The following EYA4 variants were observed in gnomAD, a reference collection of about 807,000 sequenced individuals.
EYA4 encodes EYA transcriptional coactivator and phosphatase 4, also known as protein phosphatase EYA4.
A neutral mutation model predicts 87.9 loss-of-function variants in EYA4; 31 were observed. That is an observed-to-expected ratio of 0.35 (90% CI 0.27 to 0.48). EYA4 has a LOEUF of 0.48. Ranked by LOEUF, EYA4 falls within the 20% of genes least tolerant of loss-of-function variation. EYA4 has a pLI of 0.99. For missense variants in EYA4, 678 were observed against 761.4 expected (o/e 0.89, Z 1.29); for synonymous variants, 263 against 270.6 (o/e 0.97, Z 0.28).
chr6:133,443,457 C>T (rs1792506840), intron 3 of EYA4, among the ~76,000 whole-genome samples: 2 of 151,952 alleles, frequency 1.3e-5, no homozygotes, highest in Non-Finnish European at 2.9e-5. Flanking sequence ...CTTTCAAAAT[C>T]ATTGGTATCT....
At chr6:133,285,618 T>A (rs1724949934) in intron 2 of EYA4, among the ~76,000 whole-genome samples, 1 of 152,218 alleles carries the variant, frequency 6.6e-6, no homozygotes, top group Admixed American at 6.5e-5. Context: ...TATTGTGTGA[T>A]GTGACTAAAG....
At chr6:133,522,984 G>T in intron 17 of EYA4, 72 bp from the exon 18 acceptor site, 7 of 1,349,008 alleles carry the variant, frequency 5.2e-6, no homozygotes, top group Non-Finnish European at 7.4e-6. Context: ...AGAGACCACA[G>T]TGACAATTTT....
intron 2 of EYA4, among the ~76,000 whole-genome samples, chr6:133,373,218 A>G (rs918005113): frequency 6.6e-6 from 1 of 152,002 alleles, no homozygotes; most frequent in Non-Finnish European, 1.5e-5. Context: ...GACCAAGATG[A>G]GCTGCATTTG....
At chr6:133,507,086 G>A (rs975068163) in intron 14 of EYA4, among the ~76,000 whole-genome samples, 1 of 152,132 alleles carries the variant, frequency 6.6e-6, no homozygotes, top group African/African-American at 2.4e-5. Context: ...AATTGAGAGG[G>A]AGATTACTAC....
chr6:133,475,756 T>G (rs1795666449), intron 11 of EYA4, among the ~76,000 whole-genome samples: 1 of 152,014 alleles, frequency 6.6e-6, no homozygotes, highest in Admixed American at 6.6e-5. Context: ...TTTCTTCTTT[T>G]AAAAAAAAGT....
chr6:133,506,516 C>T (rs1315952482), intron 14 of EYA4, among the ~76,000 whole-genome samples: 2 of 152,154 alleles, frequency 1.3e-5, no homozygotes, highest in Non-Finnish European at 1.5e-5. Context: ...AACCCGGAAC[C>T]TATCTAGGTT....
At chr6:133,291,332 T>A (rs1024515831) in intron 2 of EYA4, among the ~76,000 whole-genome samples, 1 of 152,200 alleles carries the variant, frequency 6.6e-6, no homozygotes, top group Non-Finnish European at 1.5e-5. Context: ...TTTATAGCTT[T>A]ATTTTCTTAT....
At chr6:133,487,854 G>T (rs1045581278) in intron 13 of EYA4, among the ~76,000 whole-genome samples, 21 of 152,166 alleles carry the variant, frequency 1.4e-4, no homozygotes, top group African/African-American at 5.1e-4. Context: ...AAAAGGAGAA[G>T]GAAGAATAAA....
chr6:133,455,674 A>T lies in EYA4; in HGVS notation c.278-882A>T, dbSNP rs550998981. On this transcript the variant is annotated intron_variant, in intron 5 of 19. Coordinates refer to ENST00000355286, the MANE Select transcript of EYA4 (RefSeq NM_004100.5). ...GTTATTTAACTGTATCATTCATTTC[A>T]CTTATGACCAGGAAACACAAGAGGT... Among the ~76,000 whole-genome samples the T allele has an allele frequency of 8.5e-5, 13 of 152,112 alleles. No individual in the cohort carries two copies. The South Asian group carries it at 2.3e-3, about 27-fold the overall frequency.
At position 133,241,570 on chromosome 6, in the gene EYA4, C is replaced by T. The variant is rs894654839; in HGVS notation, c.-245C>T. 1 of 152,244 alleles carries T rather than the reference C, an allele frequency of 6.6e-6. No homozygotes were observed. The highest frequency in any genetic ancestry group is 2.4e-5 in the African/African-American group (1 of 41,330). The allele number at this position is 152,244 out of a possible 1,614,324, so 9.4% of individuals were successfully genotyped here. A position where few individuals can be genotyped will look rare whatever the true frequency, so the allele number is the denominator to read the frequency against. Reference sequence around the variant, plus strand: ...CTTCTCCCTCCGCCCCGCTTCTCCCCCGCTTGTGTACGCTATTTGTTGTGG... The same window carrying T: ...CTTCTCCCTCCGCCCCGCTTCTCCCTCGCTTGTGTACGCTATTTGTTGTGG... On this transcript the variant is annotated 5_prime_UTR_variant, in exon 1 of 20. Coordinates refer to ENST00000355286, the MANE Select transcript of EYA4 (RefSeq NM_004100.5).
chr6:133,397,405 A>G (rs1583170508), intron 3 of EYA4, among the ~76,000 whole-genome samples: 3 of 152,152 alleles, frequency 2.0e-5, no homozygotes, highest in Admixed American at 1.3e-4. Flanking sequence ...TCCATTTCCA[A>G]TCAGCTGCAT....
intron 5 of EYA4, 150 bp downstream of exon 5, chr6:133,448,329 C>A: frequency 1.4e-6 from 1 of 698,978 alleles, no homozygotes; most frequent in Non-Finnish European, 2.6e-6. Context: ...TGTTTATTGA[C>A]AGCAGTTGGT....
chr6:133,342,584 T>TA (rs1782868622), intron 2 of EYA4, among the ~76,000 whole-genome samples: 2 of 92,112 alleles, frequency 2.2e-5, no homozygotes, highest in African/African-American at 8.5e-5. Flanking sequence ...CATATATATA[T>TA]ATATATATAT....
At chr6:133,515,149 T>C (rs536437875) in intron 16 of EYA4, among the ~76,000 whole-genome samples, 172 bp from the exon 17 acceptor site, 2 of 152,310 alleles carry the variant, frequency 1.3e-5, no homozygotes, top group Non-Finnish European at 1.5e-5. Flanking sequence ...ACGGAATCAA[T>C]GGATATTCAA....
At chr6:133,492,461 C>A (rs1046440051) in intron 13 of EYA4, among the ~76,000 whole-genome samples, 2 of 152,030 alleles carry the variant, frequency 1.3e-5, no homozygotes, top group Admixed American at 1.3e-4. Flanking sequence ...TACCTTAACA[C>A]AATAAAAGCC....
intron 5 of EYA4, among the ~76,000 whole-genome samples, chr6:133,454,546 T>C (rs1300491346): frequency 6.6e-6 from 1 of 152,150 alleles, no homozygotes; most frequent in Non-Finnish European, 1.5e-5. Context: ...TGTGCCTCAG[T>C]TTCCTTATCT....
chr6:133,270,547 C>T (rs910640057), intron 1 of EYA4, among the ~76,000 whole-genome samples: 7 of 152,160 alleles, frequency 4.6e-5, no homozygotes, highest in East Asian at 1.9e-4. Flanking sequence ...GCAGTGGTCT[C>T]GTGGTCGTAG....
intron 2 of EYA4, among the ~76,000 whole-genome samples, chr6:133,376,292 A>G (rs997163365): frequency 6.6e-6 from 1 of 151,774 alleles, no homozygotes; most frequent in Non-Finnish European, 1.5e-5. Context: ...ACCATCCATA[A>G]GAATATATAT....
chr6:133,281,852 T>C (rs1412113732), intron 2 of EYA4, among the ~76,000 whole-genome samples: 2 of 152,154 alleles, frequency 1.3e-5, no homozygotes, highest in Non-Finnish European at 2.9e-5. Context: ...CTCTCACATC[T>C]AAGTGAGAAC....
Sources: gnomAD v4.1 joint callset for allele counts (sites outside exome capture counted in the v4.1 genomes callset) on GRCh38, gnomAD v4.1.1 for gene constraint, MANE v1.5 for transcripts, NCBI Gene and HGNC (gene_info 2026-07-23, HGNC 2026-07-21) for gene names.